Variants in HIF1A observed in about 807,000 individuals in gnomAD.
The protein encoded by HIF1A is hypoxia-inducible factor 1-alpha.
HIF1A carries 24 observed loss-of-function variants against 92.7 expected under a neutral mutation model. The observed-to-expected ratio is 0.26, with a 90% CI of 0.19 to 0.36. The LOEUF (loss-of-function observed/expected upper bound fraction) is 0.36, where lower values mean the gene tolerates loss of function less well. Ranked by LOEUF, HIF1A falls within the 10% of genes least tolerant of loss-of-function variation. The pLI is 1.00. For synonymous variants in HIF1A, 319 were observed against 338.7 expected (o/e 0.94, Z 0.64); for missense variants, 799 against 998.5 (o/e 0.80, Z 2.69).
intron 12 of HIF1A, among the ~76,000 whole-genome samples, chr14:61,742,492 A>C (rs1015226268): frequency 3.3e-5 from 5 of 152,146 alleles, no homozygotes; most frequent in Non-Finnish European, 7.4e-5. Context: ...TCACTTACTC[A>C]CTTTTGACTC....
chr14:61,735,126 C>T (rs895000114), intron 8 of HIF1A, among the ~76,000 whole-genome samples: 1 of 152,212 alleles, frequency 6.6e-6, no homozygotes, highest in Non-Finnish European at 1.5e-5. Flanking sequence ...CCCATTACTA[C>T]CAGGCTAAGC....
chr14:61,742,688 C>G (rs181321619), intron 12 of HIF1A, among the ~76,000 whole-genome samples: 4 of 151,994 alleles, frequency 2.6e-5, no homozygotes, highest in Admixed American at 2.6e-4. Flanking sequence ...GAGTTTCAGA[C>G]CAGCCTGGCC....
intron 1 of HIF1A, among the ~76,000 whole-genome samples, chr14:61,708,555 T>C (rs12882000): frequency 0.72 from 110,042 of 152,088 alleles, 45,945 homozygotes; most frequent in Non-Finnish European, 0.92. Context: ...ATTTATTAAA[T>C]AGGGAATCCT....
chr14:61,738,211 G>A lies in HIF1A; in HGVS notation c.1374G>A (p.Thr458=), dbSNP rs781683603. The A allele has an allele frequency of 8.1e-6, 13 of 1,613,950 alleles. No individual in the cohort carries two copies. The highest frequency in any genetic ancestry group is 2.2e-5 in the East Asian group (1 of 44,884). Residue 458 remains threonine, a synonymous_variant, in exon 10 of 15, where the codon ACG becomes ACA. Coordinates refer to ENST00000337138, the MANE Select transcript of HIF1A (RefSeq NM_001530.4). ...LAMSPLPTAE[T]PKPLRSSADP... is the part of the protein sequence containing the mutation. ...TGTCTCCATTACCCACCGCTGAAACGCCAAAGCCACTTCGAAGTAGTGCTG... is the reference window on the plus strand; with the variant it reads ...TGTCTCCATTACCCACCGCTGAAACACCAAAGCCACTTCGAAGTAGTGCTG...
At chr14:61,723,355 TACTAAGTA>T (rs2044457616) in intron 4 of HIF1A, among the ~76,000 whole-genome samples, 1 of 152,256 alleles carries the variant, frequency 6.6e-6, no homozygotes, top group Non-Finnish European at 1.5e-5. Context: ...GGTACAGAGT[TACTAAGTA>T]ACTTTCCCAA....
chr14:61,738,005 C>T (rs1398644766), intron 9 of HIF1A, 82 bp from the exon 10 acceptor site: 9 of 1,172,992 alleles, frequency 7.7e-6, no homozygotes, highest in Middle Eastern at 2.5e-4. Flanking sequence ...CCAGCCTGGG[C>T]AACAGAGCAA....
At chr14:61,727,830 G>A (rs1165837299) in intron 6 of HIF1A, among the ~76,000 whole-genome samples, 175 bp downstream of exon 6, 2 of 152,042 alleles carry the variant, frequency 1.3e-5, no homozygotes, top group Admixed American at 6.6e-5. Flanking sequence ...AGGAGATTGA[G>A]ACCAGCCTGG....
intron 1 of HIF1A, among the ~76,000 whole-genome samples, chr14:61,718,703 C>T (rs142583118): frequency 3.5e-4 from 53 of 152,144 alleles, no homozygotes; most frequent in African/African-American, 1.2e-3. Context: ...TTTTATTGTA[C>T]AGCATTGAGA....
At chr14:61,707,942 G>C (rs879701730) in intron 1 of HIF1A, among the ~76,000 whole-genome samples, 3 of 152,006 alleles carry the variant, frequency 2.0e-5, no homozygotes, top group Non-Finnish European at 4.4e-5. Flanking sequence ...AAGTGTTCCT[G>C]TTTCTCCACA....
At chr14:61,708,229 A>G (rs1201781989) in intron 1 of HIF1A, among the ~76,000 whole-genome samples, 1 of 152,136 alleles carries the variant, frequency 6.6e-6, no homozygotes, top group East Asian at 1.9e-4. Flanking sequence ...GTAGATTGCA[A>G]AAATTTTCTC....
chr14:61,716,523 A>G (rs2044366258), intron 1 of HIF1A, among the ~76,000 whole-genome samples: 1 of 152,228 alleles, frequency 6.6e-6, no homozygotes, highest in Admixed American at 6.5e-5. Context: ...TATTTTTACA[A>G]TTAGGAATGC....
At chr14:61,708,247 G>C (rs1483673638) in intron 1 of HIF1A, among the ~76,000 whole-genome samples, 1 of 152,256 alleles carries the variant, frequency 6.6e-6, no homozygotes, top group Admixed American at 6.5e-5. Context: ...CTCCCATTCT[G>C]TAGGTTGCCT....
intron 1 of HIF1A, among the ~76,000 whole-genome samples, chr14:61,712,157 CA>C (rs2044314939): frequency 6.6e-6 from 1 of 152,102 alleles, no homozygotes; most frequent in African/African-American, 2.4e-5. Context: ...CAGGGAATCT[CA>C]ATGAGGGTGA....
In HIF1A at chr14:61,743,165, T is replaced by C. The variant is rs143795477; in HGVS notation, c.2094-1540T>C. 2.0e-3 allele frequency among the ~76,000 whole-genome samples: 301 copies of C among 152,200 alleles called. 6 individuals carry two copies. The East Asian group carries it at 0.036, about 18-fold the overall frequency. On this transcript the variant is annotated intron_variant, in intron 12 of 14. Coordinates refer to ENST00000337138, the MANE Select transcript of HIF1A (RefSeq NM_001530.4). ...TGGCTCACCGCAACTGCCGCCTCGC[T>C]GGTTCAAGCAAATCTCGTGCCTCAG...
At chr14:61,715,254 C>G (rs1231745072) in intron 1 of HIF1A, among the ~76,000 whole-genome samples, 1 of 152,170 alleles carries the variant, frequency 6.6e-6, no homozygotes, top group African/African-American at 2.4e-5. Context: ...GAGCAGAGAG[C>G]ATCTATTACC....
chr14:61,742,961 AAGTTAC>A (rs1338164556), intron 12 of HIF1A, among the ~76,000 whole-genome samples: 1 of 151,338 alleles, frequency 6.6e-6, no homozygotes, highest in Non-Finnish European at 1.5e-5. Context: ...AATCACTTAT[AAGTTAC>A]AGTTTACTAT....
chr14:61,702,439 CA>C (rs149442775), intron 1 of HIF1A, among the ~76,000 whole-genome samples: 2,354 of 78,760 alleles, frequency 0.03, 43 homozygotes, highest in African/African-American at 0.089. Flanking sequence ...ATGCTGTCTC[CA>C]AAAAAAAAAA....
chr14:61,743,017 G>A (rs554423917), intron 12 of HIF1A, among the ~76,000 whole-genome samples: 19 of 151,522 alleles, frequency 1.3e-4, no homozygotes, highest in Middle Eastern at 3.4e-3. Flanking sequence ...CTGAACAACT[G>A]TTCTCTTGTA....
intron 1 of HIF1A, among the ~76,000 whole-genome samples, chr14:61,708,902 ACTT>A (rs902896077): frequency 7.9e-5 from 12 of 152,132 alleles, no homozygotes; most frequent in African/African-American, 2.6e-4. Flanking sequence ...CTAGCACAAT[ACTT>A]CTTTTTTTTG....
Sources: allele counts gnomAD v4.1 joint callset (sites outside exome capture counted in the v4.1 genomes callset), GRCh38; gene constraint gnomAD v4.1.1; transcripts MANE v1.5; gene names NCBI Gene and HGNC (gene_info 2026-07-23, HGNC 2026-07-21).